The following GPR135 variants were observed in gnomAD, a reference collection of about 807,000 sequenced individuals.
GPR135 encodes G-protein coupled receptor 135.
A neutral mutation model predicts 15.0 loss-of-function variants in GPR135; 17 were observed. The ratio of observed to expected loss-of-function variants is 1.13; its 90% CI spans 0.78 to 1.70. The LOEUF (loss-of-function observed/expected upper bound fraction) is 1.70. Ranked by LOEUF, GPR135 falls within the 40% of genes most tolerant of loss-of-function variation. The pLI is 0.00. For missense variants in GPR135, 776 were observed against 727.0 expected (o/e 1.07, Z -0.78); for synonymous variants, 368 against 349.4 (o/e 1.05, Z -0.59).
Position 59,464,243 on chromosome 14 carries a change from G to C in GPR135, c.984C>G (p.Arg328=). The C allele has an allele frequency of 4.3e-6, 7 of 1,611,726 alleles. No homozygotes were observed. Among genetic ancestry groups the C allele is most frequent in the Non-Finnish European group, 5.9e-6 (7 of 1,179,910 alleles). ...ARVLRFFSEV[R]TATTVLIMIV... ...TCATGATGAGGACGGTGGTGGCCGT[G>C]CGCACCTCGCTGAAGAAGCGCAGCA... Residue 328 remains arginine (R), a synonymous_variant, in exon 1 of 1, where the codon CGC becomes CGG. Transcript: ENST00000395116.
In GPR135 at chr14:59,464,673, G is replaced by A. The variant is rs773686908; in HGVS notation, c.554C>T (p.Ala185Val). The A allele has an allele frequency of 2.5e-6, 4 of 1,587,320 alleles. No individual in the cohort carries two copies. Among genetic ancestry groups the A allele is most frequent in the Admixed American group, 1.7e-5 (1 of 57,656 alleles). ...GCACGAGCTGAAGAAGCGGCTGGCG[G>A]CGCAGAAGCCGCGCCAGGGCCCCGC... ...AAAGPWRGFC[A>V]ASRFFSSCFG... Residue 185 changes from alanine (A) to valine (V), a missense_variant, in exon 1 of 1, where the codon GCC (alanine) becomes GTC (valine). Coordinates refer to ENST00000395116, the MANE Select transcript of GPR135 (RefSeq NM_022571.6).
chr14:59,454,377 G>T (rs1259745198), intron 6 of GPR135, among the ~76,000 whole-genome samples: 1 of 152,150 alleles, frequency 6.6e-6, no homozygotes, highest in Non-Finnish European at 1.5e-5. Flanking sequence ...AATACACGTG[G>T]TTTATGTTTG....
Position 59,463,889 on chromosome 14 carries a change from AGAGG to A in GPR135, c.1334_1337del (p.Ser445PhefsTer33). On this transcript the variant is annotated frameshift_variant, in exon 1 of 1. Transcript: ENST00000395116. LOFTEE classifies it high-confidence loss of function. ...CTGCCACTCCGCTGGCCGGGTTGGA[AGAGG>A]ACATCCTGTTGCAGGCCCCCAGCCG... The A allele has an allele frequency of 6.2e-7, 1 of 1,614,124 alleles. No homozygotes were observed. The highest frequency in any genetic ancestry group is 8.5e-7 in the Non-Finnish European group (1 of 1,179,968).
rs554433870 is a variant in GPR135 at position 59,461,753 on chromosome 14, T to G, written c.*1989A>C. The G allele has an allele frequency of 2.6e-5, 4 of 151,960 alleles. No individual in the cohort carries two copies. The highest frequency in any genetic ancestry group is 9.7e-5 in the African/African-American group (4 of 41,212). The allele number at this position is 151,960 out of a possible 1,614,324, so 9.4% of individuals were successfully genotyped here. A position where few individuals can be genotyped will look rare whatever the true frequency, so the allele number is the denominator to read the frequency against. On this transcript the variant is annotated 3_prime_UTR_variant, in exon 1 of 1. Coordinates refer to ENST00000395116, the MANE Select transcript of GPR135 (RefSeq NM_022571.6). ...TAACCCTCTGCCCTTTATTCACAAC[T>G]GTACTTCTATTCTATGATGTCTTTT... is the stretch of plus-strand genomic sequence containing the variant.
Position 59,464,519 on chromosome 14 carries a change from C to A in GPR135, c.708G>T (p.Thr236=). ...ALQLLAGAWL[T]ALGFSLPWEL... is the part of the protein sequence containing the mutation. Reference sequence around the variant, plus strand: ...CCCAGGGCAAGGAGAAGCCCAGGGCCGTCAGCCAGGCGCCCGCCAGCAGCT... The same window carrying A: ...CCCAGGGCAAGGAGAAGCCCAGGGCAGTCAGCCAGGCGCCCGCCAGCAGCT... The change falls in exon 1 of 1, where the codon ACG becomes ACT. Residue 236 remains threonine (T), a synonymous_variant. Coordinates refer to ENST00000395116, the MANE Select transcript of GPR135 (RefSeq NM_022571.6). 1 of 1,537,644 alleles carries A rather than the reference C, an allele frequency of 6.5e-7. No individual in the cohort carries two copies. Among genetic ancestry groups the A allele is most frequent in the Non-Finnish European group, 8.7e-7 (1 of 1,152,122 alleles).
downstream of GPR135, among the ~76,000 whole-genome samples, chr14:59,457,175 T>G (rs1888682466): frequency 6.6e-6 from 1 of 152,224 alleles, no homozygotes; most frequent in Non-Finnish European, 1.5e-5. Context: ...CAGTTGTTAA[T>G]CTTACTGGGA....
chr14:59,463,920 T>G lies in GPR135; in HGVS notation c.1307A>C (p.Asn436Thr). Residue 436 changes from asparagine to threonine, a missense_variant, in exon 1 of 1, where the codon AAC (asparagine) becomes ACC (threonine). Physicochemically the swap from Asn to Thr is moderately conservative, Grantham distance 65. Coordinates refer to ENST00000395116, the MANE Select transcript of GPR135 (RefSeq NM_022571.6). ...CATCCTGTTGCAGGCCCCCAGCCGG[T>G]TGGCATAGCGGTTTCGAAGGCGACT... ...SRSRLRNRYA[N>T]RLGACNRMSS... is the part of the protein sequence containing the mutation. 1 of 1,614,026 alleles carries G rather than the reference T, an allele frequency of 6.2e-7. No homozygotes were observed. The highest frequency in any genetic ancestry group is 8.5e-7 in the Non-Finnish European group (1 of 1,179,940).
At chr14:59,456,853 T>A (rs965901884), downstream of GPR135, among the ~76,000 whole-genome samples, 3 of 152,156 alleles carry the variant, frequency 2.0e-5, no homozygotes, top group Non-Finnish European at 4.4e-5. Context: ...AGGGAACAAT[T>A]TCCAGGATAT....
At chr14:59,456,380 C>T (rs1443549527), downstream of GPR135, 2 of 152,186 alleles carry the variant, frequency 1.3e-5, no homozygotes, top group Non-Finnish European at 2.9e-5. Context: ...CTGTCCTACG[C>T]CACTTCAGTT....
In GPR135 at chr14:59,464,236, T is replaced by TG. The variant is rs1387801029; in HGVS notation, c.990dup (p.Thr331HisfsTer79). 4.3e-6 allele frequency: 7 copies of TG among 1,611,650 alleles called. No individual in the cohort carries two copies. In the South Asian group the frequency reaches 7.7e-5, roughly 18 times the overall value. Reference sequence around the variant, plus strand: ...AAGACGATCATGATGAGGACGGTGGTGGCCGTGCGCACCTCGCTGAAGAAG... The same window carrying TG: ...AAGACGATCATGATGAGGACGGTGGTGGGCCGTGCGCACCTCGCTGAAGAAG... On this transcript the variant is annotated frameshift_variant, in exon 1 of 1. Coordinates refer to ENST00000395116, the MANE Select transcript of GPR135 (RefSeq NM_022571.6). LOFTEE classifies it high-confidence loss of function.
rs1016765285 is a variant in GPR135, at chr14:59,461,975, T to C, written c.*1767A>G. On this transcript the variant is annotated 3_prime_UTR_variant, in exon 1 of 1. Coordinates refer to ENST00000395116, the MANE Select transcript of GPR135 (RefSeq NM_022571.6). ...CTCATCTACTTTGTACTACATTGAG[T>C]GTAGCAAAATATATACAATTTACAA... The C allele has an allele frequency of 6.6e-6, 1 of 152,180 alleles. No homozygotes were observed. The highest frequency in any genetic ancestry group is 1.5e-5 in the Non-Finnish European group (1 of 68,028). The allele number at this position is 152,180 out of a possible 1,614,324, so 9.4% of individuals were successfully genotyped here.
Position 59,464,557 on chromosome 14 carries a change from G to T in GPR135, c.670C>A (p.Arg224Ser). 6.4e-7 allele frequency: 1 copy of T among 1,565,828 alleles called. No individual in the cohort carries two copies. Among genetic ancestry groups the T allele is most frequent in the Non-Finnish European group, 8.6e-7 (1 of 1,166,154 alleles). The change falls in exon 1 of 1, where the codon CGC becomes AGC. Residue 224 changes from arginine to serine, a missense_variant. Physicochemically the swap from Arg to Ser is moderately radical, Grantham distance 110. Transcript: ENST00000395116. Reference protein sequence around the residue: ...VRPPREKIGRRRALQLLAGAW... With the variant: ...VRPPREKIGRSRALQLLAGAW... ...CCCGCCAGCAGCTGCAGCGCGCGGCGGCGGCCGATCTTCTCCCGCGGCGGC... is the reference window on the plus strand; with the variant it reads ...CCCGCCAGCAGCTGCAGCGCGCGGCTGCGGCCGATCTTCTCCCGCGGCGGC...
In GPR135 at chr14:59,463,703, G is replaced by A. The variant is rs150041575; in HGVS notation, c.*39C>T. 3.3e-6 allele frequency: 5 copies of A among 1,511,898 alleles called. No individual in the cohort carries two copies. In the African/African-American group the frequency reaches 6.9e-5, roughly 21 times the overall value. The allele number at this position is 1,511,898 out of a possible 1,614,324, so 93.7% of individuals were successfully genotyped here. Reference sequence around the variant, plus strand: ...AATCTTCCATCATTAAATAATGCGAGTGGAAATTTGCCTTCATAAGCTGGC... The same window carrying A: ...AATCTTCCATCATTAAATAATGCGAATGGAAATTTGCCTTCATAAGCTGGC... On this transcript the variant is annotated 3_prime_UTR_variant, in exon 1 of 1. Coordinates refer to ENST00000395116, the MANE Select transcript of GPR135 (RefSeq NM_022571.6).
At position 59,464,402 on chromosome 14, in the gene GPR135, C is replaced by G. The variant is rs1339603619; in HGVS notation, c.825G>C (p.Ala275=). 1.9e-6 allele frequency: 3 copies of G among 1,598,944 alleles called. No homozygotes were observed. The highest frequency in any genetic ancestry group is 2.6e-6 in the Non-Finnish European group (3 of 1,173,948). ...RTSPDPAQLG[A]AFSVGLVVAC... is the part of the protein sequence containing the mutation. The stretch of plus-strand genomic sequence containing the variant: ...CCACCACCAGCCCCACGCTGAAGGC[C>G]GCGCCCAGCTGCGCGGGGTCCGGGG... The change falls in exon 1 of 1, where the codon GCG becomes GCC. Residue 275 remains alanine, a synonymous_variant. Coordinates refer to ENST00000395116, the MANE Select transcript of GPR135 (RefSeq NM_022571.6).
chr14:59,464,192 C>T lies in GPR135; in HGVS notation c.1035G>A (p.Gly345=). 1 of 1,609,190 alleles carries T rather than the reference C, an allele frequency of 6.2e-7. No individual in the cohort carries two copies. The highest frequency in any genetic ancestry group is 8.5e-7 in the Non-Finnish European group (1 of 1,179,808). Residue 345 remains glycine (G), a synonymous_variant, in exon 1 of 1, where the codon GGG becomes GGA. Coordinates refer to ENST00000395116, the MANE Select transcript of GPR135 (RefSeq NM_022571.6). ...CCAGCAGCACCAGGAAGCAGTAGGGCCCCCAGCAGCAGATGACGAAGACGA... is the reference window on the plus strand; with the variant it reads ...CCAGCAGCACCAGGAAGCAGTAGGGTCCCCAGCAGCAGATGACGAAGACGA... ...IMIVFVICCW[G]PYCFLVLLAA...
Position 59,463,828 on chromosome 14 carries a change from CA to C in GPR135, c.1398del (p.Val467TyrfsTer12), listed in dbSNP as rs1348843510. Reference sequence around the variant, plus strand: ...GGTGGTCCCTCTCGGCAGAAAAGTACAACTGGATTTTTGCGGGCCCACATGG... The same window carrying C: ...GGTGGTCCCTCTCGGCAGAAAAGTACACTGGATTTTTGCGGGCCCACATGG... The part of the protein sequence containing the change: ...DVAMWARKNP[V>X]VLFCREGPPE... On this transcript the variant is annotated frameshift_variant, in exon 1 of 1. Coordinates refer to ENST00000395116, the MANE Select transcript of GPR135 (RefSeq NM_022571.6). LOFTEE classifies it high-confidence loss of function. The C allele has an allele frequency of 6.2e-7, 1 of 1,614,230 alleles. No homozygotes were observed. The highest frequency in any genetic ancestry group is 1.1e-5 in the South Asian group (1 of 91,076).
In GPR135 at chr14:59,464,978, C is replaced by T; in HGVS notation, c.249G>A (p.Ala83=). The change falls in exon 1 of 1, where the codon GCG becomes GCA. Residue 83 remains alanine (A), a synonymous_variant. Coordinates refer to ENST00000395116, the MANE Select transcript of GPR135 (RefSeq NM_022571.6). ...GGSGAAREAG[A]AVRRPLGPEA... is the part of the protein sequence containing the mutation. ...CCGGGCCTAGCGGCCGCCTCACCGCCGCCCCCGCCTCCCGCGCTGCCCCGG... is the reference window on the plus strand; with the variant it reads ...CCGGGCCTAGCGGCCGCCTCACCGCTGCCCCCGCCTCCCGCGCTGCCCCGG... The T allele has an allele frequency of 2.7e-6, 4 of 1,466,040 alleles. No homozygotes were observed. The highest frequency in any genetic ancestry group is 2.9e-5 in the East Asian group (1 of 34,770). The allele number at this position is 1,466,040 out of a possible 1,614,324, so 90.8% of individuals were successfully genotyped here. A position where few individuals can be genotyped will look rare whatever the true frequency, so the allele number is the denominator to read the frequency against.
downstream of GPR135, chr14:59,456,675 T>A (rs1024821954): frequency 6.6e-6 from 1 of 152,242 alleles, no homozygotes; most frequent in Non-Finnish European, 1.5e-5. Context: ...TATGTGTAAG[T>A]TGCTTCATTG....
At position 59,465,107 on chromosome 14, in the gene GPR135, G is replaced by C; in HGVS notation, c.120C>G (p.Ala40=). 1 of 1,381,830 alleles carries C rather than the reference G, an allele frequency of 7.2e-7. No homozygotes were observed. Among genetic ancestry groups the C allele is most frequent in the Non-Finnish European group, 9.4e-7 (1 of 1,067,016 alleles). 85.6% of individuals were successfully genotyped at this position (1,381,830 alleles called of 1,614,324 possible). ...TCGCCACGGTGCTGAAGGAGAGCAC[G>C]GCCGCCGTGGCCGCGGAGGAAGTCC... The part of the protein sequence containing the change: ...PGGTSSAATA[A]VLSFSTVATA... The change falls in exon 1 of 1, where the codon GCC becomes GCG. Residue 40 remains alanine (A), a synonymous_variant. Transcript: ENST00000395116.
Sources: allele counts gnomAD v4.1 joint callset (sites outside exome capture counted in the v4.1 genomes callset), GRCh38; gene constraint gnomAD v4.1.1; transcripts MANE v1.5; gene names NCBI Gene and HGNC (gene_info 2026-07-23, HGNC 2026-07-21).